Variants in DISP3 observed in about 807,000 individuals in gnomAD.
DISP3 encodes the protein protein dispatched homolog 3.
DISP3 carries 101 observed loss-of-function variants against 135.3 expected under a neutral mutation model. The observed-to-expected ratio is 0.75, with a 90% CI of 0.64 to 0.88. DISP3 has a LOEUF of 0.88. DISP3 is among the 40% of genes least tolerant of loss of function. The pLI, the probability that DISP3 is intolerant of heterozygous loss-of-function variation, is 0.00. For synonymous variants in DISP3, 856 were observed against 817.0 expected (o/e 1.05, Z -0.81); for missense variants, 1,713 against 1,878.6 (o/e 0.91, Z 1.63).
rs764610994 is a variant in DISP3 at position 11,501,870 on chromosome 1, A to G, written c.878A>G (p.Glu293Gly). The G allele has an allele frequency of 1.2e-5, 19 of 1,612,998 alleles. No individual in the cohort carries two copies. In the Admixed American group the frequency reaches 3.2e-4, roughly 27 times the overall value. ...GCGGAGCGCAACATTTTCACCAGTG[A>G]GCGCCTGGTCACGATCCATGAGATC... ...GDAERNIFTSERLVTIHEIER... is the reference protein window; with the variant it reads ...GDAERNIFTSGRLVTIHEIER... Residue 293 changes from glutamate to glycine, a missense_variant, in exon 2 of 21, where the codon GAG becomes GGG. Around this residue, in one of 2 missense-constraint regions of DISP3, gnomAD observed 571 missense variants for 494.1 expected, o/e 1.16. Transcript: ENST00000294484. The surrounding 1 kb of genome is among the most constrained non-coding windows in gnomAD (Gnocchi z 4.9).
intron 1 of DISP3, among the ~76,000 whole-genome samples, chr1:11,486,167 C>T (rs1330553491): frequency 6.6e-6 from 1 of 152,196 alleles, no homozygotes; most frequent in Non-Finnish European, 1.5e-5. Context: ...AGATGTTTCC[C>T]CCTTTTCCTT....
intron 18 of DISP3, 74 bp from the exon 19 acceptor site, chr1:11,534,937 G>C (rs1046039548): frequency 6.0e-6 from 8 of 1,329,020 alleles, no homozygotes; most frequent in Non-Finnish European, 8.4e-6. Context: ...GAGAGGTCAA[G>C]GGCTCACCCC....
intron 4 of DISP3, among the ~76,000 whole-genome samples, chr1:11,514,744 G>C (rs1010473989): frequency 6.6e-6 from 1 of 152,220 alleles, no homozygotes; most frequent in African/African-American, 2.4e-5. Context: ...CCTCTACCCT[G>C]GGCCCCTGCA....
intron 18 of DISP3, chr1:11,534,753 G>A (rs1433249077): frequency 1.3e-6 from 1 of 784,860 alleles, no homozygotes; most frequent in Non-Finnish European, 2.1e-6. Context: ...TCTGGACTTT[G>A]GCCACCTAAA....
Position 11,531,072 on chromosome 1 carries a change from A to G in DISP3, c.3229+39A>G, listed in dbSNP as rs774613596. On this transcript the variant is annotated intron_variant, in intron 16 of 20. Transcript: ENST00000294484. The surrounding 1 kb of genome is among the most constrained non-coding windows in gnomAD (Gnocchi z 5.2). ...GGGGAGCTGGTTCCTCCGAGGGAGG[A>G]TGGACTGACTGGGGAGGCACAGAGG... is the stretch of plus-strand genomic sequence containing the variant. The G allele has an allele frequency of 6.2e-7, 1 of 1,609,082 alleles. No homozygotes were observed. Among genetic ancestry groups the G allele is most frequent in the South Asian group, 1.1e-5 (1 of 90,936 alleles).
intron 3 of DISP3, among the ~76,000 whole-genome samples, chr1:11,509,799 G>T (rs1259125848): frequency 6.6e-6 from 1 of 152,076 alleles, no homozygotes; most frequent in Non-Finnish European, 1.5e-5. Context: ...CTTGTAGTCA[G>T]CTAGGTCTTG....
In DISP3 at chr1:11,489,182, G is replaced by C. The variant is rs370378860; in HGVS notation, c.-4+9810G>C. 1.2e-3 allele frequency among the ~76,000 whole-genome samples: 189 copies of C among 152,372 alleles called. 5 individuals carry two copies. The South Asian group carries it at 0.032, about 26-fold the overall frequency. The stretch of plus-strand genomic sequence containing the variant: ...CCCAGGCAGTGAGGCTGCGGGTACA[G>C]CCCTCTCCCAGAGCTCCATCCCGAG... On this transcript the variant is annotated intron_variant, in intron 1 of 20. Coordinates refer to ENST00000294484, the MANE Select transcript of DISP3 (RefSeq NM_020780.2).
Position 11,519,984 on chromosome 1 carries a change from C to A in DISP3, c.2200+104C>A. 2.5e-6 allele frequency: 3 copies of A among 1,213,474 alleles called. No individual in the cohort carries two copies. Among genetic ancestry groups the A allele is most frequent in the Non-Finnish European group, 1.1e-6 (1 of 875,186 alleles). The allele number at this position is 1,213,474 out of a possible 1,614,324, so 75.2% of individuals were successfully genotyped here. Reference sequence around the variant, plus strand: ...CTCGCAGATGCCCCAGGGTCAGAGGCCTGGGCTGGGGTCTCTCCCTCTCTG... The same window carrying A: ...CTCGCAGATGCCCCAGGGTCAGAGGACTGGGCTGGGGTCTCTCCCTCTCTG... On this transcript the variant is annotated intron_variant, in intron 9 of 20. Transcript: ENST00000294484. This position sits in a 1 kb window ranked among gnomAD's most constrained non-coding sequence, Gnocchi z 4.3.
intron 5 of DISP3, 67 bp from the exon 6 acceptor site, chr1:11,515,934 C>A: frequency 1.3e-6 from 2 of 1,565,574 alleles, no homozygotes; most frequent in Middle Eastern, 1.7e-4. Flanking sequence ...TGGTCTAGGG[C>A]CAGGTTGGGC....
chr1:11,491,297 G>A lies in DISP3; in HGVS notation c.-3-9693G>A, dbSNP rs1195010173. On this transcript the variant is annotated intron_variant, in intron 1 of 20. Transcript: ENST00000294484. The surrounding 1 kb of genome is among the most constrained non-coding windows in gnomAD (Gnocchi z 4.3). ...GGACCGCCTGTATCAGAATCACCTG[G>A]GGAGGTGGTTTAAATACAGATTCCA... Among the ~76,000 whole-genome samples the A allele has an allele frequency of 6.6e-6, 1 of 152,152 alleles. No individual in the cohort carries two copies. The highest frequency in any genetic ancestry group is 1.9e-4 in the East Asian group (1 of 5,198).
intron 2 of DISP3, 62 bp from the exon 3 acceptor site, chr1:11,502,616 G>A (rs1641578859): frequency 1.5e-6 from 2 of 1,362,140 alleles, no homozygotes; most frequent in African/African-American, 1.4e-5. Flanking sequence ...GGATGACCTT[G>A]AGGGAGGGTT....
chr1:11,535,675 C>T, intron 20 of DISP3, 31 bp downstream of exon 20: 1 of 1,594,778 alleles, frequency 6.3e-7, no homozygotes, highest in Non-Finnish European at 8.5e-7. Flanking sequence ...ACCCACTTCC[C>T]ACCACATTGG....
chr1:11,487,187 T>G (rs1174147682), intron 1 of DISP3, among the ~76,000 whole-genome samples: 1 of 152,084 alleles, frequency 6.6e-6, no homozygotes, highest in Non-Finnish European at 1.5e-5. Flanking sequence ...CCCCCAGTCT[T>G]GAAAGAATGT....
chr1:11,481,061 T>TCA (rs144258748), intron 1 of DISP3, among the ~76,000 whole-genome samples: 5,765 of 138,038 alleles, frequency 0.042, 294 homozygotes, highest in African/African-American at 0.15. Flanking sequence ...TCTCTCTCTC[T>TCA]CTCACACACA....
chr1:11,489,016 G>A (rs1641113059), intron 1 of DISP3, among the ~76,000 whole-genome samples: 1 of 152,188 alleles, frequency 6.6e-6, no homozygotes, highest in Non-Finnish European at 1.5e-5. Context: ...GGAACACAAG[G>A]GCAGCCTCCA....
At chr1:11,490,746 G>A (rs757525505) in intron 1 of DISP3, among the ~76,000 whole-genome samples, 1 of 152,152 alleles carries the variant, frequency 6.6e-6, no homozygotes, top group Non-Finnish European at 1.5e-5. Context: ...ATCAGGGCAC[G>A]GTGGCTAAAA....
At chr1:11,512,015 C>T (rs915836759) in intron 3 of DISP3, among the ~76,000 whole-genome samples, 2 of 152,318 alleles carry the variant, frequency 1.3e-5, no homozygotes, top group Non-Finnish European at 1.5e-5. Context: ...ACAGCTGGAG[C>T]GGCTGGGACA....
chr1:11,479,608 C>T (rs1207619796), intron 1 of DISP3, among the ~76,000 whole-genome samples: 1 of 152,216 alleles, frequency 6.6e-6, no homozygotes, highest in East Asian at 1.9e-4. Context: ...CAGCTCCGCA[C>T]CATCTCCCCG....
rs143584899 is a variant in DISP3, at chr1:11,532,455, C to A, written c.3375+745C>A. 2.2e-4 allele frequency among the ~76,000 whole-genome samples: 34 copies of A among 152,322 alleles called. No individual in the cohort carries two copies. The South Asian group carries it at 3.1e-3, about 14-fold the overall frequency. ...GTCTGGGGACTAAGAATCAATGTGA[C>A]GGCTTAACTGGGGAGGTGATTCTCC... On this transcript the variant is annotated intron_variant, in intron 17 of 20. Coordinates refer to ENST00000294484, the MANE Select transcript of DISP3 (RefSeq NM_020780.2).
Sources: gnomAD v4.1 joint callset for allele counts (sites outside exome capture counted in the v4.1 genomes callset) on GRCh38, gnomAD v4.1.1 for gene constraint, gnomAD v4.1.1 regional missense constraint, Gnocchi (gnomAD v3.1) non-coding constraint, MANE v1.5 for transcripts, NCBI Gene and HGNC (gene_info 2026-07-23, HGNC 2026-07-21) for gene names.